The following BAHCC1 variants were observed in gnomAD, a reference collection of about 807,000 sequenced individuals.
BAHCC1 encodes the protein BAH and coiled-coil domain-containing protein 1.
A neutral mutation model predicts 88.2 loss-of-function variants in BAHCC1; 43 were observed. That is an observed-to-expected ratio of 0.49 (90% confidence interval 0.38 to 0.63). The LOEUF (loss-of-function observed/expected upper bound fraction) is 0.63. BAHCC1 is among the 20% of genes least tolerant of loss of function. BAHCC1 has a pLI of 0.00. For synonymous variants in BAHCC1, 1,510 were observed against 745.5 expected, an observed-to-expected ratio of 2.03 and a Z score of -16.71; for missense variants, 3,023 against 1,654.8, an observed-to-expected ratio of 1.83 and a Z score of -14.34.
At chr17:81,446,574 T>C (rs1555654402) in intron 10 of BAHCC1, among the ~76,000 whole-genome samples, 1 of 114,482 alleles carries the variant, frequency 8.7e-6, no homozygotes, top group African/African-American at 3.3e-5. Context: ...TGAGACAGGG[T>C]ATCTCCCTAT....
rs1555655035 is a variant in BAHCC1 at position 81,447,858 on chromosome 17, G to T, written c.3976+10G>T. 2 of 722,090 alleles carry T rather than the reference G, an allele frequency of 2.8e-6. No individual in the cohort carries two copies. The highest frequency in any genetic ancestry group is 5.1e-6 in the Non-Finnish European group (2 of 388,382). 44.7% of individuals were successfully genotyped at this position (722,090 alleles called of 1,614,324 possible). A position where few individuals can be genotyped will look rare whatever the true frequency, so the allele number is the denominator to read the frequency against. ...GAGAGGACTGTGCCAGGTAAGCCCG[G>T]TGGTTGCCGCCACCCCCCAGAGTCC... On this transcript the variant is annotated intron_variant, in intron 11 of 27. Transcript: ENST00000675386.
rs1298067143 is a variant in BAHCC1, at chr17:81,434,941, G to T, written c.359-3429G>T. Among the ~76,000 whole-genome samples, 1 of 152,008 alleles carries T rather than the reference G, an allele frequency of 6.6e-6. No homozygotes were observed. The highest frequency in any genetic ancestry group is 2.4e-5 in the African/African-American group (1 of 41,370). ...CCAGGGCTGGTGCACCCTGGGTGGG[G>T]GCTCCTCCTCCCTCCCCAGGGGTGA... On this transcript the variant is annotated intron_variant, in intron 3 of 27. Coordinates refer to ENST00000675386, the MANE Select transcript of BAHCC1 (RefSeq NM_001377448.1). This position sits in a 1 kb window ranked among gnomAD's most constrained non-coding sequence, Gnocchi z 4.9.
chr17:81,405,695 C>T (rs908747930), intron 2 of BAHCC1, among the ~76,000 whole-genome samples: 6 of 152,210 alleles, frequency 3.9e-5, no homozygotes, highest in Non-Finnish European at 7.3e-5. Flanking sequence ...CTTGCTCCAT[C>T]GTGCCCCCCT....
At chr17:81,462,605 G>A in intron 26 of BAHCC1, 135 bp from the exon 27 acceptor site, 1 of 607,090 alleles carries the variant, frequency 1.6e-6, no homozygotes, top group South Asian at 1.9e-5. Flanking sequence ...GCGGCTTCCT[G>A]CCCTTGTGGG....
chr17:81,429,919 C>T (rs946550327), intron 3 of BAHCC1, among the ~76,000 whole-genome samples: 29 of 152,202 alleles, frequency 1.9e-4, no homozygotes, highest in Admixed American at 1.4e-3. Flanking sequence ...CCTGCTTCCC[C>T]GGGGGAGCAG....
intron 13 of BAHCC1, 150 bp from the exon 14 acceptor site, chr17:81,452,573 T>A: frequency 1.9e-6 from 1 of 538,946 alleles, no homozygotes; most frequent in Non-Finnish European, 3.2e-6. Context: ...GGCCTTGCCC[T>A]CTGCGTGAGG....
intron 14 of BAHCC1, 134 bp from the exon 15 acceptor site, chr17:81,455,133 G>A: frequency 1.6e-6 from 1 of 624,272 alleles, no homozygotes; most frequent in Non-Finnish European, 2.9e-6. Flanking sequence ...CTCACCCCCT[G>A]CTCTGTCTGC....
At chr17:81,424,305 G>A (rs1252293609) in intron 2 of BAHCC1, among the ~76,000 whole-genome samples, 2 of 152,218 alleles carry the variant, frequency 1.3e-5, no homozygotes, top group Admixed American at 1.3e-4. Context: ...TATGGCTGGG[G>A]CCCCGCTGAC....
At chr17:81,432,891 CCCATCCCCA>C (rs2064284034) in intron 3 of BAHCC1, among the ~76,000 whole-genome samples, 12 of 12,792 alleles carry the variant, frequency 9.4e-4, no homozygotes, top group Non-Finnish European at 2.0e-4. Flanking sequence ...AACCTCCCCC[CCCATCCCCA>C]GGCCCACCCT....
chr17:81,430,669 C>T (rs1166444494), intron 3 of BAHCC1, among the ~76,000 whole-genome samples: 1 of 152,188 alleles, frequency 6.6e-6, no homozygotes, highest in African/African-American at 2.4e-5. Context: ...CCACCCACCC[C>T]GAGTGTCCTC....
At position 81,435,149 on chromosome 17, in the gene BAHCC1, C is replaced by T; in HGVS notation, c.359-3221C>T. Among the ~76,000 whole-genome samples the T allele has an allele frequency of 6.6e-6, 1 of 152,126 alleles. No homozygotes were observed. Among genetic ancestry groups the T allele is most frequent in the East Asian group, 1.9e-4 (1 of 5,182 alleles). On this transcript the variant is annotated intron_variant, in intron 3 of 27. Coordinates refer to ENST00000675386, the MANE Select transcript of BAHCC1 (RefSeq NM_001377448.1). The surrounding 1 kb of genome is among the most constrained non-coding windows in gnomAD (Gnocchi z 4.4). The stretch of plus-strand genomic sequence containing the variant: ...ACTCTCTCTCCTCCTGCCCACACCA[C>T]AGGCCTCCTACCTGCAACCCTTGAC...
intron 2 of BAHCC1, chr17:81,401,048 C>G (rs1045449376): frequency 3.9e-5 from 6 of 152,228 alleles, no homozygotes; most frequent in African/African-American, 1.4e-4. Context: ...TTATTGGTAG[C>G]TTGATGAACT....
intron 2 of BAHCC1, among the ~76,000 whole-genome samples, chr17:81,423,913 C>T (rs1189799841): frequency 1.3e-5 from 2 of 152,212 alleles, no homozygotes; most frequent in African/African-American, 4.8e-5. Flanking sequence ...CCATTTCCCA[C>T]ACTCAGGCTG....
intron 2 of BAHCC1, chr17:81,415,551 C>T (rs373854272): frequency 7.7e-6 from 4 of 516,750 alleles, no homozygotes; most frequent in African/African-American, 3.9e-5. Context: ...GCCCTTTCAG[C>T]CTGCAGTGAC....
intron 11 of BAHCC1, among the ~76,000 whole-genome samples, chr17:81,448,934 G>A (rs1555655182): frequency 2.0e-5 from 3 of 152,134 alleles, no homozygotes; most frequent in Admixed American, 6.5e-5. Context: ...TAGATAGGGC[G>A]AGGTGGAGGC....
intron 2 of BAHCC1, among the ~76,000 whole-genome samples, chr17:81,421,612 G>A (rs1241585320): frequency 6.6e-6 from 1 of 152,230 alleles, no homozygotes; most frequent in Non-Finnish European, 1.5e-5. Context: ...AGGACAGTGG[G>A]GGAGAAATCC....
intron 2 of BAHCC1, among the ~76,000 whole-genome samples, chr17:81,424,025 A>C (rs1376461391): frequency 6.6e-6 from 1 of 152,184 alleles, no homozygotes; most frequent in African/African-American, 2.4e-5. Context: ...GTGCCAGCCC[A>C]GTCGGGGCCC....
At chr17:81,403,675 G>A (rs564405626) in intron 2 of BAHCC1, among the ~76,000 whole-genome samples, 2 of 152,292 alleles carry the variant, frequency 1.3e-5, no homozygotes, top group Admixed American at 6.5e-5. Flanking sequence ...ATGACACGAT[G>A]GAGTGTTTCT....
rs1555659071 is a variant in BAHCC1 at position 81,461,009 on chromosome 17, C to T, written c.6346C>T (p.Pro2116Ser). Residue 2116 changes from proline (P) to serine (S), a missense_variant, in exon 26 of 28, where the codon CCG becomes TCG. Physicochemically the swap from Pro to Ser is moderately conservative, Grantham distance 74. Transcript: ENST00000675386. ...RKAVAAASKG[P>S]GVLQNLFQLN... ...GGCGGTGGCAGCGGCCAGCAAGGGG[C>T]CGGGGGTGCTGCAGAACCTCTTCCA... 1 of 773,350 alleles carries T rather than the reference C, an allele frequency of 1.3e-6. No homozygotes were observed. The highest frequency in any genetic ancestry group is 1.3e-5 in the South Asian group (1 of 74,468). The allele number at this position is 773,350 out of a possible 1,614,324, so 47.9% of individuals were successfully genotyped here.
Sources: allele counts gnomAD v4.1 joint callset (sites outside exome capture counted in the v4.1 genomes callset), GRCh38; gene constraint gnomAD v4.1.1; non-coding constraint Gnocchi (gnomAD v3.1); transcripts MANE v1.5; gene names NCBI Gene and HGNC (gene_info 2026-07-23, HGNC 2026-07-21).